Variants in SCHIP1 observed in about 807,000 individuals in gnomAD.
SCHIP1 encodes the protein schwannomin-interacting protein 1.
SCHIP1 carries 8 observed loss-of-function variants against 29.7 expected under a neutral mutation model. The observed-to-expected ratio is 0.27, with a 90% CI of 0.16 to 0.49. The LOEUF is 0.49. Ranked by LOEUF, SCHIP1 falls within the 20% of genes least tolerant of loss-of-function variation. The probability of loss-of-function intolerance (pLI) is 0.99; values close to 1 mark genes in which losing one functional copy is unlikely to be tolerated. For missense variants in SCHIP1, 193 were observed against 294.6 expected, an observed-to-expected ratio of 0.66 and a Z score of 2.52; for synonymous variants, 76 against 94.9, an observed-to-expected ratio of 0.80 and a Z score of 1.16.
the SCHIP1 span, among the ~76,000 whole-genome samples, chr3:159,467,405 A>G: frequency 6.6e-6 from 1 of 152,074 alleles, no homozygotes; most frequent in Non-Finnish European, 1.5e-5. Context: ...ATAACTAGAA[A>G]TAGAATAGAG....
the SCHIP1 span, among the ~76,000 whole-genome samples, chr3:159,529,415 C>T: frequency 6.6e-6 from 1 of 152,210 alleles, no homozygotes; most frequent in East Asian, 1.9e-4. Flanking sequence ...CTGAGCTATT[C>T]AAAAAACTAC....
the SCHIP1 span, among the ~76,000 whole-genome samples, chr3:159,644,271 G>C: frequency 6.6e-6 from 1 of 151,950 alleles, no homozygotes; most frequent in Non-Finnish European, 1.5e-5. Context: ...TCTAGCTTTT[G>C]GGTAGTATTG....
At chr3:159,331,436 A>G in the SCHIP1 span, among the ~76,000 whole-genome samples, 1 of 152,222 alleles carries the variant, frequency 6.6e-6, no homozygotes, top group Non-Finnish European at 1.5e-5. Context: ...AGGTGAGGCC[A>G]AAGGGATATA....
At chr3:159,631,987 T>C in the SCHIP1 span, among the ~76,000 whole-genome samples, 1 of 152,144 alleles carries the variant, frequency 6.6e-6, no homozygotes, top group Non-Finnish European at 1.5e-5. Flanking sequence ...TTCTATGTTT[T>C]TAAAAACTCT....
the SCHIP1 span, among the ~76,000 whole-genome samples, chr3:159,797,853 A>T: frequency 1.3e-5 from 2 of 152,226 alleles, no homozygotes; most frequent in African/African-American, 4.8e-5. Context: ...TAAGCTGAGC[A>T]GAGGAAGTTG....
chr3:159,857,153 G>A (rs1023209631), intron 1 of SCHIP1, among the ~76,000 whole-genome samples: 3 of 152,150 alleles, frequency 2.0e-5, no homozygotes, highest in Non-Finnish European at 4.4e-5. Context: ...TTCCTGGCTC[G>A]TGGTTCAGGT....
intron 2 of SCHIP1, among the ~76,000 whole-genome samples, chr3:159,884,944 A>C (rs974327275): frequency 1.4e-4 from 21 of 152,190 alleles, no homozygotes; most frequent in African/African-American, 5.1e-4. Flanking sequence ...ATTTTCTTAC[A>C]GGGGTTGTAA....
At chr3:159,717,858 G>T in the SCHIP1 span, among the ~76,000 whole-genome samples, 1 of 152,224 alleles carries the variant, frequency 6.6e-6, no homozygotes, top group Admixed American at 6.5e-5. Context: ...GAAAAAGAGG[G>T]AGTCCTCCCT....
chr3:159,394,786 T>G, the SCHIP1 span, among the ~76,000 whole-genome samples: 462 of 152,284 alleles, frequency 3.0e-3, 3 homozygotes, highest in Non-Finnish European at 4.0e-3. Context: ...CTTTTTTGGT[T>G]GTGTCTCTGC....
At chr3:159,658,889 A>G in the SCHIP1 span, among the ~76,000 whole-genome samples, 337 of 152,302 alleles carry the variant, frequency 2.2e-3, 3 homozygotes, top group African/African-American at 7.9e-3. Flanking sequence ...ATAGGAGCCA[A>G]AAACCTCGGA....
the SCHIP1 span, among the ~76,000 whole-genome samples, chr3:159,280,346 A>G: frequency 7.9e-5 from 12 of 152,058 alleles, no homozygotes; most frequent in Non-Finnish European, 1.8e-4. Flanking sequence ...AGTAATCTCT[A>G]TGAATCTTTC....
At chr3:159,333,231 A>C in the SCHIP1 span, among the ~76,000 whole-genome samples, 1 of 152,232 alleles carries the variant, frequency 6.6e-6, no homozygotes, top group Admixed American at 6.5e-5. Flanking sequence ...GTTGCAAAGT[A>C]CATTTCTTTA....
At chr3:159,361,879 TAGAA>T in the SCHIP1 span, among the ~76,000 whole-genome samples, 2 of 152,140 alleles carry the variant, frequency 1.3e-5, no homozygotes, top group South Asian at 2.1e-4. Flanking sequence ...TCAAATGAAA[TAGAA>T]AGACATGAAT....
the SCHIP1 span, among the ~76,000 whole-genome samples, chr3:159,765,987 T>G: frequency 2.0e-5 from 3 of 152,160 alleles, no homozygotes; most frequent in Non-Finnish European, 4.4e-5. Context: ...TTCACACTTG[T>G]CTCAACATCT....
At chr3:159,429,701 G>T in the SCHIP1 span, among the ~76,000 whole-genome samples, 1 of 152,068 alleles carries the variant, frequency 6.6e-6, no homozygotes, top group East Asian at 1.9e-4. Context: ...ATAAACACAA[G>T]AACAGGTTAT....
chr3:159,563,518 A>G, the SCHIP1 span, among the ~76,000 whole-genome samples: 2 of 152,054 alleles, frequency 1.3e-5, no homozygotes, highest in Non-Finnish European at 2.9e-5. Flanking sequence ...ATATATAATT[A>G]TTTTTTTAAA....
the SCHIP1 span, among the ~76,000 whole-genome samples, chr3:159,533,369 G>A: frequency 6.6e-6 from 1 of 152,142 alleles, no homozygotes; most frequent in Non-Finnish European, 1.5e-5. Context: ...GACAAAGTGA[G>A]GAAGGCAGTA....
chr3:159,278,806 A>G, the SCHIP1 span, among the ~76,000 whole-genome samples: 6 of 152,298 alleles, frequency 3.9e-5, no homozygotes, highest in East Asian at 1.9e-4. Context: ...CAAAAGTATA[A>G]TAGCTCACAA....
At chr3:159,795,581 CA>C in the SCHIP1 span, among the ~76,000 whole-genome samples, 2 of 152,176 alleles carry the variant, frequency 1.3e-5, no homozygotes, top group African/African-American at 2.4e-5. Context: ...GGGTTCCTGA[CA>C]TGCAAAGAGT....
Sources: gnomAD v4.1 joint callset for allele counts (sites outside exome capture counted in the v4.1 genomes callset) on GRCh38, gnomAD v4.1.1 for gene constraint, MANE v1.5 for transcripts, NCBI Gene and HGNC (gene_info 2026-07-23, HGNC 2026-07-21) for gene names.